Variants in BRD4 observed in about 807,000 individuals in gnomAD.
BRD4 encodes bromodomain-containing protein 4.
BRD4 carries 16 observed loss-of-function variants against 142.1 expected under a neutral mutation model. That is an observed-to-expected ratio of 0.11 (90% CI 0.08 to 0.17). The LOEUF (loss-of-function observed/expected upper bound fraction) is 0.17, where lower values mean the gene tolerates loss of function less well. Ranked by LOEUF, BRD4 falls within the 10% of genes least tolerant of loss-of-function variation. The probability of loss-of-function intolerance (pLI) is 1.00; values close to 1 mark genes in which losing one functional copy is unlikely to be tolerated. For missense variants in BRD4, 1,424 were observed against 1,810.9 expected, an observed-to-expected ratio of 0.79 and a Z score of 3.88; for synonymous variants, 833 against 707.5, an observed-to-expected ratio of 1.18 and a Z score of -2.82.
In BRD4 at chr19:15,272,866, C is replaced by G. The variant is rs772582586; in HGVS notation, c.234G>C (p.Gln78His). 1 of 1,614,168 alleles carries G rather than the reference C, an allele frequency of 6.2e-7. No individual in the cohort carries two copies. The highest frequency in any genetic ancestry group is 1.1e-5 in the South Asian group (1 of 91,084). ...CAGGCTGCTGGAAAGGCCATGCAAACTGGTGTTTCCATAGTGTCTTGAGCA... is the reference window on the plus strand; with the variant it reads ...CAGGCTGCTGGAAAGGCCATGCAAAGTGGTGTTTCCATAGTGTCTTGAGCA... ...RVVLKTLWKHQFAWPFQQPVD... is the reference protein window; with the variant it reads ...RVVLKTLWKHHFAWPFQQPVD... Residue 78 changes from glutamine to histidine, a missense_variant, in exon 2 of 20, where the codon CAG (glutamine) becomes CAC (histidine). Gln to His is a conservative substitution (Grantham distance 24). Around this residue, in one of 16 missense-constraint regions of BRD4, gnomAD observed 55 missense variants for 160.7 expected, o/e 0.34. Transcript: ENST00000679869.
chr19:15,249,106 C>G, intron 11 of BRD4: 2 of 1,048,242 alleles, frequency 1.9e-6, no homozygotes, highest in Non-Finnish European at 2.8e-6. Context: ...CGGGACTAGG[C>G]GTGTGCTGCT....
chr19:15,262,130 G>T (rs947940824), intron 7 of BRD4, among the ~76,000 whole-genome samples: 1 of 152,142 alleles, frequency 6.6e-6, no homozygotes, highest in Non-Finnish European at 1.5e-5. Context: ...TGCTATGCTG[G>T]GGAGTCTAGG....
At chr19:15,280,874 T>C (rs2047698469) in intron 1 of BRD4, among the ~76,000 whole-genome samples, 1 of 152,150 alleles carries the variant, frequency 6.6e-6, no homozygotes, top group African/African-American at 2.4e-5. Context: ...ACCTGGTAAT[T>C]TCTCAATACA....
chr19:15,255,185 A>T (rs888941506), intron 10 of BRD4, 112 bp downstream of exon 10: 10 of 1,089,062 alleles, frequency 9.2e-6, no homozygotes, highest in Non-Finnish European at 1.3e-5. Flanking sequence ...AGATATTATA[A>T]TTGGAAAAAA....
intron 11 of BRD4, chr19:15,245,022 C>T (rs1385208129): frequency 6.6e-6 from 4 of 608,784 alleles, no homozygotes; most frequent in Non-Finnish European, 1.1e-5. Context: ...CTTCAGATCA[C>T]CACGGTTGCA....
Position 15,251,797 on chromosome 19 carries a change from A to G in BRD4, c.2158+2355T>C, listed in dbSNP as rs536183353. 4.0e-4 allele frequency among the ~76,000 whole-genome samples: 61 copies of G among 152,334 alleles called. No homozygotes were observed. In the East Asian group the frequency reaches 0.011, roughly 27 times the overall value. The stretch of plus-strand genomic sequence containing the variant: ...TGCCGGCCCACGACAGAGCTCACTC[A>G]GTGCACACAGAAGGCAAAGGAAAGC... On this transcript the variant is annotated intron_variant, in intron 11 of 19. Coordinates refer to ENST00000679869, the MANE Select transcript of BRD4 (RefSeq NM_001379291.1).
At chr19:15,268,759 T>C in intron 3 of BRD4, 146 bp downstream of exon 3, 1 of 838,772 alleles carries the variant, frequency 1.2e-6, no homozygotes, top group Non-Finnish European at 1.8e-6. Flanking sequence ...CAGGTCTCAT[T>C]ACCTCTACCT....
chr19:15,255,920 C>T (rs1045197303), intron 9 of BRD4, 144 bp downstream of exon 9: 30 of 1,079,122 alleles, frequency 2.8e-5, no homozygotes, highest in Non-Finnish European at 3.8e-5. Flanking sequence ...GTGCAAGTGG[C>T]CACCAGCCTG....
intron 6 of BRD4, 147 bp downstream of exon 6, chr19:15,264,257 C>G (rs2047506027): frequency 1.8e-6 from 2 of 1,129,844 alleles, no homozygotes; most frequent in East Asian, 2.5e-5. Flanking sequence ...GCAGGGGGCG[C>G]TGAGTTTCTT....
chr19:15,315,780 C>G (rs978103536), intron 1 of BRD4, among the ~76,000 whole-genome samples: 1 of 151,166 alleles, frequency 6.6e-6, no homozygotes, highest in Non-Finnish European at 1.5e-5. Flanking sequence ...CACTTGAACC[C>G]GGGAGGTGGA....
At chr19:15,314,504 G>A (rs1355360272) in intron 1 of BRD4, among the ~76,000 whole-genome samples, 1 of 152,042 alleles carries the variant, frequency 6.6e-6, no homozygotes, top group African/African-American at 2.4e-5. Context: ...TATTTCCGAC[G>A]TCCTATTGGG....
In BRD4 at chr19:15,244,247, T is replaced by C. The variant is rs1410723965; in HGVS notation, c.2565A>G (p.Ala855=). 6.4e-7 allele frequency: 1 copy of C among 1,572,016 alleles called. No homozygotes were observed. Among genetic ancestry groups the C allele is most frequent in the Non-Finnish European group, 8.6e-7 (1 of 1,161,384 alleles). ...ACGGCTCACCTGGAGGAGAGACCAC[T>C]GCGTGCTGGTTGAGATGGGGTGGAG... ...HSTPPHLNQH[A]VVSPPALHNA... Residue 855 remains alanine (A), a synonymous_variant, in exon 13 of 20, where the codon GCA becomes GCG. Coordinates refer to ENST00000679869, the MANE Select transcript of BRD4 (RefSeq NM_001379291.1).
chr19:15,287,259 A>G (rs1438720985), intron 1 of BRD4, among the ~76,000 whole-genome samples: 1 of 152,008 alleles, frequency 6.6e-6, no homozygotes, highest in Admixed American at 6.5e-5. Context: ...TTTAAGACAC[A>G]GTAAAAACTT....
At chr19:15,286,108 C>A (rs2047738078) in intron 1 of BRD4, among the ~76,000 whole-genome samples, 1 of 152,236 alleles carries the variant, frequency 6.6e-6, no homozygotes, top group South Asian at 2.1e-4. Flanking sequence ...CCCACCAATT[C>A]TTCCCACGCC....
At chr19:15,292,710 G>A (rs147321324) in intron 1 of BRD4, among the ~76,000 whole-genome samples, 3,697 of 145,702 alleles carry the variant, frequency 0.025, 158 homozygotes, top group African/African-American at 0.089. Context: ...CCTGGGAGGC[G>A]GAGCTTGCAG....
At chr19:15,321,100 G>A (rs2048057561) in intron 1 of BRD4, among the ~76,000 whole-genome samples, 1 of 152,090 alleles carries the variant, frequency 6.6e-6, no homozygotes, top group African/African-American at 2.4e-5. Flanking sequence ...CGGGCATGGT[G>A]GCGCATGCCT....
chr19:15,255,698 C>T, intron 9 of BRD4, 106 bp from the exon 10 acceptor site: 2 of 1,371,102 alleles, frequency 1.5e-6, no homozygotes, highest in Non-Finnish European at 2.0e-6. Flanking sequence ...TTCCCATACC[C>T]CCCACCCACC....
chr19:15,314,820 C>A (rs1406103126), intron 1 of BRD4, among the ~76,000 whole-genome samples: 2 of 152,150 alleles, frequency 1.3e-5, no homozygotes, highest in East Asian at 1.9e-4. Flanking sequence ...GAAAGTCCCC[C>A]TGGACAGCAC....
At chr19:15,249,333 G>A (rs766056255) in intron 11 of BRD4, 34 of 1,613,704 alleles carry the variant, frequency 2.1e-5, no homozygotes, top group Non-Finnish European at 2.4e-5. Flanking sequence ...GAAATGGTGT[G>A]GAATGTACCA....
Sources: allele counts gnomAD v4.1 joint callset (sites outside exome capture counted in the v4.1 genomes callset), GRCh38; gene constraint gnomAD v4.1.1; regional missense constraint gnomAD v4.1.1; transcripts MANE v1.5; gene names NCBI Gene and HGNC (gene_info 2026-07-23, HGNC 2026-07-21).